Variants in AUTS2 observed in about 807,000 individuals in gnomAD.
AUTS2 encodes activator of transcription and developmental regulator AUTS2.
Under a neutral mutation model 112.4 loss-of-function variants are expected in AUTS2, and 17 were observed. The ratio of observed to expected loss-of-function variants is 0.15; its 90% CI spans 0.10 to 0.23. The LOEUF (loss-of-function observed/expected upper bound fraction) is 0.23, where lower values mean the gene tolerates loss of function less well. Ranked by LOEUF, AUTS2 falls within the 10% of genes least tolerant of loss-of-function variation. The pLI is 1.00. For synonymous variants in AUTS2, 751 were observed against 702.7 expected (o/e 1.07, Z -1.09); for missense variants, 1,510 against 1,701.6 (o/e 0.89, Z 1.98).
chr7:70,709,160 G>A (rs1464522522), intron 6 of AUTS2, among the ~76,000 whole-genome samples: 4 of 151,760 alleles, frequency 2.6e-5, no homozygotes, highest in Non-Finnish European at 4.4e-5. Context: ...CTCGTGATCC[G>A]CTCACCTCGG....
At chr7:70,763,413 G>A in intron 7 of AUTS2, 72 bp downstream of exon 7, 3 of 1,072,464 alleles carry the variant, frequency 2.8e-6, no homozygotes, top group Non-Finnish European at 4.1e-6. Flanking sequence ...GAGTCGGGGA[G>A]GGATCCCTAG....
intron 2 of AUTS2, among the ~76,000 whole-genome samples, chr7:69,927,635 G>A (rs1584454545): frequency 3.3e-5 from 5 of 152,220 alleles, no homozygotes; most frequent in Admixed American, 2.0e-4. Context: ...CCAAGGGTGA[G>A]CCACATGCAG....
intron 5 of AUTS2, among the ~76,000 whole-genome samples, chr7:70,550,386 G>A (rs914550499): frequency 3.9e-5 from 6 of 152,122 alleles, no homozygotes; most frequent in Non-Finnish European, 8.8e-5. Context: ...GGTTTTATGA[G>A]TTGAAGATTA....
intron 4 of AUTS2, among the ~76,000 whole-genome samples, chr7:70,227,093 G>T (rs1242863410): frequency 1.3e-5 from 2 of 152,034 alleles, no homozygotes; most frequent in African/African-American, 4.8e-5. Flanking sequence ...CTTACCTTGA[G>T]CCAGGAAGTT....
intron 5 of AUTS2, among the ~76,000 whole-genome samples, chr7:70,448,138 A>C (rs572644013): frequency 6.6e-6 from 1 of 152,182 alleles, no homozygotes; most frequent in Non-Finnish European, 1.5e-5. Context: ...TCGTGCCTAC[A>C]GTGTGGACAT....
At chr7:70,671,235 A>G (rs1026821745) in intron 5 of AUTS2, among the ~76,000 whole-genome samples, 7 of 152,212 alleles carry the variant, frequency 4.6e-5, no homozygotes, top group Non-Finnish European at 1.5e-5. Flanking sequence ...TGGCACACAC[A>G]GAAATGGCTT....
chr7:70,790,826 C>G lies in AUTS2; in HGVS notation c.3610C>G (p.Gln1204Glu). 1 of 1,606,634 alleles carries G rather than the reference C, an allele frequency of 6.2e-7. No homozygotes were observed. Among genetic ancestry groups the G allele is most frequent in the Non-Finnish European group, 8.5e-7 (1 of 1,175,628 alleles). The change falls in exon 19 of 19, where the codon CAG becomes GAG. Residue 1204 changes from glutamine (Q) to glutamate (E), a missense_variant. Gln to Glu is a conservative substitution (Grantham distance 29). Coordinates refer to ENST00000342771, the MANE Select transcript of AUTS2 (RefSeq NM_015570.4). The surrounding 1 kb of genome is among the most constrained non-coding windows in gnomAD (Gnocchi z 7.6). ...CCGCATCAGCCCCACCGCGGGCAAC[C>G]AGAACGGACTCCTCAACAAGACCCC... is the stretch of plus-strand genomic sequence containing the variant. Reference protein sequence around the residue: ...YPRISPTAGNQNGLLNKTPPT... With the variant: ...YPRISPTAGNENGLLNKTPPT...
chr7:70,146,318 T>A (rs200663670), intron 4 of AUTS2, among the ~76,000 whole-genome samples: 1 of 94,010 alleles, frequency 1.1e-5, no homozygotes, highest in Non-Finnish European at 2.3e-5. Context: ...CATTGTGTTA[T>A]TTTTCTACTG....
chr7:70,672,240 G>A (rs1425249114), intron 5 of AUTS2, among the ~76,000 whole-genome samples: 1 of 152,224 alleles, frequency 6.6e-6, no homozygotes, highest in Non-Finnish European at 1.5e-5. Flanking sequence ...AGCGGAAGCT[G>A]GGGAACTGGT....
intron 2 of AUTS2, among the ~76,000 whole-genome samples, chr7:69,919,396 G>A (rs1402723990): frequency 6.6e-6 from 1 of 152,176 alleles, no homozygotes; most frequent in Non-Finnish European, 1.5e-5. Context: ...AGACAAAGAC[G>A]TCTTGTCTTC....
intron 5 of AUTS2, among the ~76,000 whole-genome samples, chr7:70,687,644 C>T (rs1050989033): frequency 1.8e-4 from 28 of 152,154 alleles, no homozygotes; most frequent in East Asian, 1.9e-4. Context: ...GTTGCAGATC[C>T]ATGATCAATT....
intron 4 of AUTS2, among the ~76,000 whole-genome samples, chr7:70,151,389 G>C (rs1445837451): frequency 6.6e-6 from 1 of 152,158 alleles, no homozygotes; most frequent in African/African-American, 2.4e-5. Context: ...ATGGGGCATA[G>C]AGTCAAGTAC....
At chr7:70,099,025 A>C (rs1804347901) in intron 2 of AUTS2, among the ~76,000 whole-genome samples, 1 of 151,918 alleles carries the variant, frequency 6.6e-6, no homozygotes, top group Non-Finnish European at 1.5e-5. Flanking sequence ...TCTTATCCCC[A>C]GAAGTGTTTC....
chr7:69,697,892 C>T (rs1487290831), intron 1 of AUTS2, among the ~76,000 whole-genome samples: 1 of 152,142 alleles, frequency 6.6e-6, no homozygotes, highest in Admixed American at 6.6e-5. Flanking sequence ...TGCCGCTTTT[C>T]CTTCACTTCT....
At chr7:70,457,051 G>T (rs556140296) in intron 5 of AUTS2, among the ~76,000 whole-genome samples, 1 of 152,192 alleles carries the variant, frequency 6.6e-6, no homozygotes, top group Non-Finnish European at 1.5e-5. Flanking sequence ...TCTCAAATGC[G>T]TCCTCCAAAA....
At chr7:70,057,139 G>T (rs920040365) in intron 2 of AUTS2, among the ~76,000 whole-genome samples, 2 of 152,104 alleles carry the variant, frequency 1.3e-5, no homozygotes, top group Non-Finnish European at 2.9e-5. Context: ...CGCATACAAA[G>T]CAGGTTTCTT....
chr7:69,619,400 A>T (rs911946389), intron 1 of AUTS2, among the ~76,000 whole-genome samples: 3 of 152,102 alleles, frequency 2.0e-5, no homozygotes, highest in South Asian at 2.1e-4. Flanking sequence ...AGTCAGGGGG[A>T]TGCAGGGTTA....
At chr7:70,018,156 A>AT (rs573766808) in intron 2 of AUTS2, among the ~76,000 whole-genome samples, 78 of 151,696 alleles carry the variant, frequency 5.1e-4, no homozygotes, top group African/African-American at 1.6e-3. Flanking sequence ...GTTTTGTGTG[A>AT]TTTTTTTTAG....
At chr7:70,132,118 T>G (rs1806304466) in intron 3 of AUTS2, among the ~76,000 whole-genome samples, 1 of 151,232 alleles carries the variant, frequency 6.6e-6, no homozygotes, top group South Asian at 2.1e-4. Context: ...ACATGTGTTT[T>G]CTGCTGATCC....
Sources: gnomAD v4.1 joint callset for allele counts (sites outside exome capture counted in the v4.1 genomes callset) on GRCh38, gnomAD v4.1.1 for gene constraint, Gnocchi (gnomAD v3.1) non-coding constraint, MANE v1.5 for transcripts, NCBI Gene and HGNC (gene_info 2026-07-23, HGNC 2026-07-21) for gene names.